KCNH8: variants seen among roughly 807,000 people sequenced by gnomAD.
The protein encoded by KCNH8 is potassium voltage-gated channel subfamily H member 8, also known as voltage-gated delayed rectifier potassium channel KCNH8.
KCNH8 carries 70 observed loss-of-function variants against 103.6 expected under a neutral mutation model. The observed-to-expected ratio is 0.68, with a 90% confidence interval of 0.56 to 0.82. The LOEUF (loss-of-function observed/expected upper bound fraction) is 0.82, where lower values mean the gene tolerates loss of function less well. KCNH8 is among the 40% of genes least tolerant of loss of function. The pLI is 0.00. For synonymous variants in KCNH8, 498 were observed against 489.4 expected (o/e 1.02, Z -0.23); for missense variants, 1,217 against 1,329.9 (o/e 0.92, Z 1.32).
intron 1 of KCNH8, among the ~76,000 whole-genome samples, chr3:19,204,038 C>T (rs2063689043): frequency 6.6e-6 from 1 of 151,756 alleles, no homozygotes; most frequent in Admixed American, 6.6e-5. Context: ...ATTTTAAAAC[C>T]AAATTTTCAA....
intron 5 of KCNH8, among the ~76,000 whole-genome samples, chr3:19,349,423 T>G (rs1343444977): frequency 6.6e-6 from 1 of 152,096 alleles, no homozygotes; most frequent in Non-Finnish European, 1.5e-5. Flanking sequence ...CTGGTCAAAG[T>G]TCTCAAGAAC....
intron 7 of KCNH8, among the ~76,000 whole-genome samples, chr3:19,436,993 TC>T (rs1310196246): frequency 1.3e-5 from 2 of 152,304 alleles, no homozygotes; most frequent in Admixed American, 6.5e-5. Context: ...TAAGCACTTC[TC>T]CTTGGTCTCA....
chr3:19,149,128 G>A (rs1559397267), intron 1 of KCNH8, among the ~76,000 whole-genome samples: 1 of 152,096 alleles, frequency 6.6e-6, no homozygotes, highest in Non-Finnish European at 1.5e-5. Flanking sequence ...GTGAAAAGGG[G>A]AATATCGGTG....
chr3:19,339,939 G>C (rs1264962433), intron 3 of KCNH8, among the ~76,000 whole-genome samples: 1 of 151,988 alleles, frequency 6.6e-6, no homozygotes, highest in African/African-American at 2.4e-5. Flanking sequence ...AAGTCACTAA[G>C]AGACTTGGTT....
intron 10 of KCNH8, among the ~76,000 whole-genome samples, chr3:19,451,723 G>A (rs1189846647): frequency 6.6e-6 from 1 of 152,110 alleles, no homozygotes; most frequent in Non-Finnish European, 1.5e-5. Flanking sequence ...TATTAATCAT[G>A]ATATATACTG....
At chr3:19,171,862 GT>G (rs558817100) in intron 1 of KCNH8, among the ~76,000 whole-genome samples, 2,254 of 152,270 alleles carry the variant, frequency 0.015, 49 homozygotes, top group African/African-American at 0.05. Context: ...GTGTTGGTTA[GT>G]TTGTTGGTTT....
chr3:19,490,271 C>A (rs2068290499), intron 11 of KCNH8, among the ~76,000 whole-genome samples: 1 of 152,172 alleles, frequency 6.6e-6, no homozygotes, highest in African/African-American at 2.4e-5. Flanking sequence ...GCTCAGACAC[C>A]GAATTGTAGA....
intron 2 of KCNH8, among the ~76,000 whole-genome samples, chr3:19,264,596 G>A (rs370875833): frequency 6.6e-6 from 1 of 151,992 alleles, no homozygotes; most frequent in Admixed American, 6.6e-5. Flanking sequence ...TAGCTTTTTC[G>A]GCTTAGATTT....
intron 1 of KCNH8, among the ~76,000 whole-genome samples, chr3:19,201,254 A>AAAAAAG (rs2063658067): frequency 2.8e-5 from 4 of 143,424 alleles, no homozygotes; most frequent in Non-Finnish European, 4.7e-5. Flanking sequence ...AAAAAAAAAA[A>AAAAAAG]AAAAAAAAGA....
At chr3:19,517,546 G>T (rs2068895225) in intron 14 of KCNH8, among the ~76,000 whole-genome samples, 1 of 151,994 alleles carries the variant, frequency 6.6e-6, no homozygotes, top group Admixed American at 6.6e-5. Flanking sequence ...AACCTGCAGT[G>T]GATATCAGTA....
intron 1 of KCNH8, among the ~76,000 whole-genome samples, chr3:19,225,363 T>G (rs1331032196): frequency 6.6e-6 from 1 of 152,046 alleles, no homozygotes; most frequent in Non-Finnish European, 1.5e-5. Context: ...ATCAGTAGCT[T>G]AGAGGGACCA....
rs1353413006 is a variant in KCNH8, at chr3:19,534,968, C to T, written c.*869C>T. ...TTTGTTAATGAAATAAAAACATGGA[C>T]TGAGTGTCAACTACATGAGCTTTGG... On this transcript the variant is annotated 3_prime_UTR_variant, in exon 16 of 16. Transcript: ENST00000328405. The T allele has an allele frequency of 6.6e-6, 1 of 152,158 alleles. No homozygotes were observed. The highest frequency in any genetic ancestry group is 2.4e-5 in the African/African-American group (1 of 41,428). 9.4% of individuals were successfully genotyped at this position (152,158 alleles called of 1,614,324 possible).
At chr3:19,333,819 C>G (rs1308932975) in intron 3 of KCNH8, among the ~76,000 whole-genome samples, 2 of 152,152 alleles carry the variant, frequency 1.3e-5, no homozygotes, top group Non-Finnish European at 2.9e-5. Flanking sequence ...ACAGTGTAAA[C>G]AACACCCTTC....
chr3:19,529,578 G>C (rs1228270868), intron 15 of KCNH8, among the ~76,000 whole-genome samples: 1 of 152,158 alleles, frequency 6.6e-6, no homozygotes, highest in African/African-American at 2.4e-5. Context: ...TGAAGACTGA[G>C]GTCCTTCCTG....
At chr3:19,160,941 C>T (rs1551062) in intron 1 of KCNH8, among the ~76,000 whole-genome samples, 8,356 of 152,026 alleles carry the variant, frequency 0.055, 741 homozygotes, top group African/African-American at 0.19. Context: ...TGATTCGGCA[C>T]CACCAAAAAG....
At chr3:19,224,049 A>G (rs1462325968) in intron 1 of KCNH8, among the ~76,000 whole-genome samples, 5 of 152,200 alleles carry the variant, frequency 3.3e-5, no homozygotes, top group Non-Finnish European at 7.4e-5. Flanking sequence ...GTGCTTCCCT[A>G]TAAGAGAATG....
intron 3 of KCNH8, among the ~76,000 whole-genome samples, chr3:19,317,453 G>A (rs577538462): frequency 1.3e-3 from 196 of 151,790 alleles, no homozygotes; most frequent in Non-Finnish European, 2.3e-3. Flanking sequence ...TTTAGAACTG[G>A]GCAGAACTAG....
At chr3:19,349,656 C>T (rs1459923283) in intron 5 of KCNH8, among the ~76,000 whole-genome samples, 1 of 152,082 alleles carries the variant, frequency 6.6e-6, no homozygotes, top group Non-Finnish European at 1.5e-5. Context: ...ACTTCTGTTA[C>T]CACATGTTCA....
intron 2 of KCNH8, among the ~76,000 whole-genome samples, chr3:19,273,180 C>G (rs2064614682): frequency 6.6e-6 from 1 of 152,182 alleles, no homozygotes; most frequent in South Asian, 2.1e-4. Flanking sequence ...GCCATAGATT[C>G]CTCCAACTAA....
Sources: allele counts gnomAD v4.1 joint callset (sites outside exome capture counted in the v4.1 genomes callset), GRCh38; gene constraint gnomAD v4.1.1; transcripts MANE v1.5; gene names NCBI Gene and HGNC (gene_info 2026-07-23, HGNC 2026-07-21).